Variants in PDGFC observed in about 807,000 individuals in gnomAD.
The protein encoded by PDGFC is platelet-derived growth factor C.
Under a neutral mutation model 35.5 loss-of-function variants are expected in PDGFC, and 12 were observed. That is an observed-to-expected ratio of 0.34 (90% CI 0.22 to 0.55). The LOEUF (loss-of-function observed/expected upper bound fraction) is 0.55. PDGFC is among the 20% of genes least tolerant of loss of function. The pLI is 0.91. For missense variants in PDGFC, 322 were observed against 412.4 expected (o/e 0.78, Z 1.90); for synonymous variants, 159 against 148.8 (o/e 1.07, Z -0.50).
intron 2 of PDGFC, among the ~76,000 whole-genome samples, chr4:156,824,055 G>A (rs1358083535): frequency 1.3e-5 from 2 of 151,724 alleles, no homozygotes; most frequent in Non-Finnish European, 2.9e-5. Context: ...AAATTAGAAA[G>A]GTGGTTACCA....
chr4:156,868,627 T>C (rs567929273), intron 1 of PDGFC, among the ~76,000 whole-genome samples: 55 of 152,332 alleles, frequency 3.6e-4, no homozygotes, highest in Non-Finnish European at 6.5e-4. Context: ...TCAACTGTTT[T>C]CTATTTCAAC....
intron 1 of PDGFC, among the ~76,000 whole-genome samples, chr4:156,866,947 G>A (rs939846589): frequency 1.3e-5 from 2 of 151,966 alleles, no homozygotes; most frequent in South Asian, 2.1e-4. Context: ...TCATCATCAC[G>A]TCTGTACCTG....
chr4:156,810,171 T>C (rs961679194), intron 3 of PDGFC, among the ~76,000 whole-genome samples: 3 of 151,850 alleles, frequency 2.0e-5, no homozygotes, highest in African/African-American at 7.2e-5. Flanking sequence ...ATTTTTCATT[T>C]ACAGGTAGAA....
In PDGFC at chr4:156,970,883, G is replaced by A; in HGVS notation, c.21C>T (p.Leu7=). 6.2e-7 allele frequency: 1 copy of A among 1,613,518 alleles called. No individual in the cohort carries two copies. Among genetic ancestry groups the A allele is most frequent in the Non-Finnish European group, 8.5e-7 (1 of 1,179,550 alleles). MSLFGL[L]LLTSALAGQR... ...GGCCGGCCAGGGCAGATGTCAGCAG[G>A]AGAAGCCCGAAGAGGCTCATTTGGC... Residue 7 remains leucine, a synonymous_variant, in exon 1 of 6, where the codon CTC becomes CTT. Transcript: ENST00000502773.
chr4:156,905,624 A>T (rs1730897750), intron 1 of PDGFC, among the ~76,000 whole-genome samples: 1 of 152,088 alleles, frequency 6.6e-6, no homozygotes, highest in African/African-American at 2.4e-5. Context: ...AAGCAGTTCA[A>T]CCTGGAGTAG....
At chr4:156,902,787 G>C in intron 1 of PDGFC, among the ~76,000 whole-genome samples, 1 of 152,234 alleles carries the variant, frequency 6.6e-6, no homozygotes, top group South Asian at 2.1e-4. Context: ...CAGATGTTTA[G>C]CTTTGGTTCA....
intron 1 of PDGFC, among the ~76,000 whole-genome samples, chr4:156,953,424 C>T (rs1579122597): frequency 6.6e-6 from 1 of 151,858 alleles, no homozygotes; most frequent in Non-Finnish European, 1.5e-5. Context: ...TCATTAAGAA[C>T]GTATTCACAT....
intron 3 of PDGFC, among the ~76,000 whole-genome samples, chr4:156,787,226 G>C (rs1304425743): frequency 6.6e-6 from 1 of 152,090 alleles, no homozygotes; most frequent in Non-Finnish European, 1.5e-5. Flanking sequence ...CAGTGAAGAG[G>C]ACTGAGGAGT....
intron 1 of PDGFC, among the ~76,000 whole-genome samples, chr4:156,910,796 T>G (rs916019659): frequency 6.6e-6 from 1 of 152,136 alleles, no homozygotes; most frequent in Non-Finnish European, 1.5e-5. Flanking sequence ...TAACGGCAGA[T>G]GCTCACCATA....
chr4:156,825,601 A>G (rs6820597), intron 2 of PDGFC, among the ~76,000 whole-genome samples: 2 of 105,772 alleles, frequency 1.9e-5, no homozygotes, highest in African/African-American at 3.8e-5. Flanking sequence ...AATAAGAAGA[A>G]GAAGAAGAAG....
In PDGFC at chr4:156,898,865, T is replaced by C. The variant is rs141580668; in HGVS notation, c.119-48449A>G. 3.5e-3 allele frequency among the ~76,000 whole-genome samples: 532 copies of C among 152,310 alleles called. 4 individuals carry two copies. The highest frequency in any genetic ancestry group is 0.012 in the African/African-American group (502 of 41,580). On this transcript the variant is annotated intron_variant, in intron 1 of 5. Coordinates refer to ENST00000502773, the MANE Select transcript of PDGFC (RefSeq NM_016205.3). ...TAGAGATGGGGTTTCACATGTTTTC[T>C]AGGCTGGTCTTGATCACCTGAGCTC...
rs150479257 is a variant in PDGFC, at chr4:156,857,845, T to C, written c.119-7429A>G. On this transcript the variant is annotated intron_variant, in intron 1 of 5. Coordinates refer to ENST00000502773, the MANE Select transcript of PDGFC (RefSeq NM_016205.3). Reference sequence around the variant, plus strand: ...TCCTGCACCCATTTAGCCATCATAATGGATTCTAGCCTAATGAAAAAGTTG... The same window carrying C: ...TCCTGCACCCATTTAGCCATCATAACGGATTCTAGCCTAATGAAAAAGTTG... Among the ~76,000 whole-genome samples, 23 of 152,200 alleles carry C rather than the reference T, an allele frequency of 1.5e-4. 1 individual carries two copies. The East Asian group carries it at 4.1e-3, about 27-fold the overall frequency.
intron 1 of PDGFC, among the ~76,000 whole-genome samples, chr4:156,931,418 C>T (rs2110877244): frequency 6.6e-6 from 1 of 152,240 alleles, no homozygotes; most frequent in African/African-American, 2.4e-5. Flanking sequence ...CCCAGGATTG[C>T]ATTCACGTCT....
chr4:156,892,503 TAGA>T (rs565459828), intron 1 of PDGFC, among the ~76,000 whole-genome samples: 1 of 152,082 alleles, frequency 6.6e-6, no homozygotes, highest in Non-Finnish European at 1.5e-5. Context: ...AACTCTCAAA[TAGA>T]AATGAAACAT....
intron 1 of PDGFC, among the ~76,000 whole-genome samples, chr4:156,872,984 T>G (rs768098994): frequency 1.3e-5 from 2 of 152,148 alleles, no homozygotes; most frequent in Middle Eastern, 3.4e-3. Flanking sequence ...AAATAAAATA[T>G]CTAGGTGTAG....
intron 1 of PDGFC, among the ~76,000 whole-genome samples, chr4:156,887,134 G>A (rs963140400): frequency 6.6e-6 from 1 of 152,064 alleles, no homozygotes; most frequent in Non-Finnish European, 1.5e-5. Context: ...ATATTCTAAT[G>A]AAGATGATAC....
chr4:156,914,492 T>C (rs1731112361), intron 1 of PDGFC, among the ~76,000 whole-genome samples: 1 of 152,182 alleles, frequency 6.6e-6, no homozygotes, highest in African/African-American at 2.4e-5. Context: ...TTACTTATAC[T>C]CCCTGGACTA....
chr4:156,943,361 C>T (rs867410836), intron 1 of PDGFC, among the ~76,000 whole-genome samples: 7 of 152,004 alleles, frequency 4.6e-5, no homozygotes, highest in Non-Finnish European at 1.0e-4. Context: ...TTCATATGTC[C>T]TTGCTAGTAA....
chr4:156,837,276 G>A (rs886432535), intron 2 of PDGFC, among the ~76,000 whole-genome samples: 2 of 152,216 alleles, frequency 1.3e-5, no homozygotes, highest in Non-Finnish European at 2.9e-5. Context: ...CTACTTGGGA[G>A]GCTGAGGCAG....
Sources: allele counts gnomAD v4.1 joint callset (sites outside exome capture counted in the v4.1 genomes callset), GRCh38; gene constraint gnomAD v4.1.1; transcripts MANE v1.5; gene names NCBI Gene and HGNC (gene_info 2026-07-23, HGNC 2026-07-21).